The following CARD10 variants were observed in gnomAD, a reference collection of about 807,000 sequenced individuals.
The protein encoded by CARD10 is caspase recruitment domain-containing protein 10.
A neutral mutation model predicts 114.6 loss-of-function variants in CARD10; 49 were observed. The ratio of observed to expected loss-of-function variants is 0.43; its 90% CI spans 0.34 to 0.54. CARD10 has a LOEUF of 0.54. CARD10 is among the 20% of genes least tolerant of loss of function. CARD10 has a pLI of 0.03. For missense variants in CARD10, 1,206 were observed against 1,397.2 expected, an observed-to-expected ratio of 0.86 and a Z score of 2.18; for synonymous variants, 602 against 593.2, an observed-to-expected ratio of 1.01 and a Z score of -0.21.
At chr22:37,499,996 G>C (rs1923154500) in intron 11 of CARD10, among the ~76,000 whole-genome samples, 1 of 152,220 alleles carries the variant, frequency 6.6e-6, no homozygotes, top group South Asian at 2.1e-4. Context: ...AACGGGGCAA[G>C]TCTGCCAGCT....
intron 15 of CARD10, among the ~76,000 whole-genome samples, chr22:37,494,969 G>GT (rs11330766): frequency 4.3e-3 from 638 of 146,822 alleles, no homozygotes; most frequent in African/African-American, 0.013. Flanking sequence ...TGTTTTTTTT[G>GT]TTTTTTTTTT....
At chr22:37,512,809 G>A (rs1349695496) in intron 3 of CARD10, among the ~76,000 whole-genome samples, 2 of 152,164 alleles carry the variant, frequency 1.3e-5, no homozygotes, top group Non-Finnish European at 2.9e-5. Context: ...CAGGAAATAC[G>A]GATGCATTTA....
intron 10 of CARD10, among the ~76,000 whole-genome samples, 180 bp downstream of exon 10, chr22:37,503,005 G>A (rs1923272924): frequency 6.6e-6 from 1 of 152,256 alleles, no homozygotes; most frequent in Non-Finnish European, 1.5e-5. Flanking sequence ...GTGAGAGGCT[G>A]GAACCAAAGT....
Position 37,492,582 on chromosome 22 carries a change from G to T in CARD10, c.2636-32C>A, listed in dbSNP as rs377144358. The T allele has an allele frequency of 6.0e-4, 956 of 1,604,134 alleles. 7 individuals are homozygous for T. The African/African-American group carries it at 0.011, about 19-fold the overall frequency. ...AGGGAGTGGAGAGGGAGAGATGAAGGATCCATGGGCCCGGCTGCCCAGAGG... is the reference window on the plus strand; with the variant it reads ...AGGGAGTGGAGAGGGAGAGATGAAGTATCCATGGGCCCGGCTGCCCAGAGG... On this transcript the variant is annotated intron_variant, in intron 17 of 19. Transcript: ENST00000251973. The surrounding 1 kb of genome is among the most constrained non-coding windows in gnomAD (Gnocchi z 5.7).
At chr22:37,500,356 A>T in intron 11 of CARD10, among the ~76,000 whole-genome samples, 1 of 152,032 alleles carries the variant, frequency 6.6e-6, no homozygotes, top group East Asian at 1.9e-4. Flanking sequence ...TATGCTGGGG[A>T]GACGGCACCC....
intron 5 of CARD10, 31 bp from the exon 6 acceptor site, chr22:37,507,985 C>T (rs1923473140): frequency 6.2e-7 from 1 of 1,612,762 alleles, no homozygotes; most frequent in Admixed American, 1.7e-5. Context: ...GGTCAGACCA[C>T]AGGGCTGGGG....
chr22:37,493,879 G>A (rs766898970), intron 16 of CARD10, among the ~76,000 whole-genome samples: 31 of 152,284 alleles, frequency 2.0e-4, no homozygotes, highest in Non-Finnish European at 3.5e-4. Context: ...GCACCTCCCC[G>A]CAGGGTCTCC....
chr22:37,515,974 G>A lies in CARD10; in HGVS notation c.698C>T (p.Ala233Val), dbSNP rs377447143. 1.6e-5 allele frequency: 25 copies of A among 1,570,990 alleles called. No homozygotes were observed. The highest frequency in any genetic ancestry group is 2.1e-5 in the Non-Finnish European group (24 of 1,155,162). ...CCGACCCATCTCCCCAGGGCCTACCGCCAGCTGCAGGTCACGGCTGCGAAG... is the reference window on the plus strand; with the variant it reads ...CCGACCCATCTCCCCAGGGCCTACCACCAGCTGCAGGTCACGGCTGCGAAG... ...AVLRSRDLQL[A>V]VDQLKLKVSR... The change falls in exon 3 of 20, where the codon GCG (alanine) becomes GTG (valine). Residue 233 changes from alanine (A) to valine (V), a missense_variant and splice_region_variant. Around this residue, in one of 2 missense-constraint regions of CARD10, gnomAD observed 1,068 missense variants for 1,179.1 expected, o/e 0.91. Coordinates refer to ENST00000251973, the MANE Select transcript of CARD10 (RefSeq NM_014550.4).
rs779419835 is a variant in CARD10, at chr22:37,496,994, C to T, written c.1947+25G>A. On this transcript the variant is annotated intron_variant, in intron 12 of 19. Coordinates refer to ENST00000251973, the MANE Select transcript of CARD10 (RefSeq NM_014550.4). The surrounding 1 kb of genome is among the most constrained non-coding windows in gnomAD (Gnocchi z 4.1). ...TGGGCAAAAGCACTGACCCTACCCC[C>T]CCAGCTCAGGAGGCAGGGCCTCACC... 1.9e-6 allele frequency: 3 copies of T among 1,581,904 alleles called. No homozygotes were observed. Among genetic ancestry groups the T allele is most frequent in the Non-Finnish European group, 2.6e-6 (3 of 1,165,614 alleles).
intron 3 of CARD10, chr22:37,511,970 C>T (rs979966064): frequency 2.6e-5 from 4 of 152,282 alleles, no homozygotes; most frequent in Non-Finnish European, 5.9e-5. Flanking sequence ...CAGTCAATCC[C>T]CTGGCCCCAT....
At chr22:37,503,033 G>A in intron 10 of CARD10, 152 bp downstream of exon 10, 1 of 888,364 alleles carries the variant, frequency 1.1e-6, no homozygotes, top group South Asian at 1.5e-5. Flanking sequence ...GTCCTCCCAA[G>A]CACAACCTTC....
rs563182251 is a variant in CARD10 at position 37,513,095 on chromosome 22, T to C, written c.700-2674A>G. 2.6e-5 allele frequency among the ~76,000 whole-genome samples: 4 copies of C among 152,024 alleles called. No individual in the cohort carries two copies. The East Asian group carries it at 7.7e-4, about 29-fold the overall frequency. Reference sequence around the variant, plus strand: ...TTAAGGTAAATTTATAGTAGCTAAGTTTAATTTCACTTCTTTTTTTGTTGT... The same window carrying C: ...TTAAGGTAAATTTATAGTAGCTAAGCTTAATTTCACTTCTTTTTTTGTTGT... On this transcript the variant is annotated intron_variant, in intron 3 of 19. Transcript: ENST00000251973.
At position 37,492,376 on chromosome 22, in the gene CARD10, C is replaced by T. The variant is rs1922834600; in HGVS notation, c.2751+59G>A. ...CAGACGCTGGCGCTCAAGCCCAGAACAGCAGCACCCGCTCTGGGCCACCTC... is the reference window on the plus strand; with the variant it reads ...CAGACGCTGGCGCTCAAGCCCAGAATAGCAGCACCCGCTCTGGGCCACCTC... On this transcript the variant is annotated intron_variant, in intron 18 of 19. Coordinates refer to ENST00000251973, the MANE Select transcript of CARD10 (RefSeq NM_014550.4). This position sits in a 1 kb window ranked among gnomAD's most constrained non-coding sequence, Gnocchi z 5.7. 7.7e-7 allele frequency: 1 copy of T among 1,297,510 alleles called. No individual in the cohort carries two copies. Among genetic ancestry groups the T allele is most frequent in the African/African-American group, 1.5e-5 (1 of 67,754 alleles). 80.4% of individuals were successfully genotyped at this position (1,297,510 alleles called of 1,614,324 possible).
rs1923690678 is a variant in CARD10 at position 37,512,465 on chromosome 22, C to CACACACA, written c.700-2045_700-2044insTGTGTGT. Among the ~76,000 whole-genome samples, 14 of 113,856 alleles carry CACACACA rather than the reference C, an allele frequency of 1.2e-4. 1 individual carries two copies. Among genetic ancestry groups the CACACACA allele is most frequent in the South Asian group, 3.3e-4 (1 of 3,020 alleles). 74.7% of individuals were successfully genotyped at this position (113,856 alleles called of 152,430 possible). A position where few individuals can be genotyped will look rare whatever the true frequency, so the allele number is the denominator to read the frequency against. On this transcript the variant is annotated intron_variant, in intron 3 of 19. Coordinates refer to ENST00000251973, the MANE Select transcript of CARD10 (RefSeq NM_014550.4). ...AGAGGTTAGAATGGCAGCCCCCCCT[C>CACACACA]CACACACACACACACACACACACAC...
intron 6 of CARD10, among the ~76,000 whole-genome samples, 199 bp downstream of exon 6, chr22:37,507,630 G>A (rs939512075): frequency 2.0e-5 from 3 of 152,234 alleles, no homozygotes; most frequent in Non-Finnish European, 4.4e-5. Context: ...TGAGGCCAGT[G>A]GGTCCAGGGT....
In CARD10 at chr22:37,490,556, T is replaced by G. The variant is rs1166698659; in HGVS notation, c.*603A>C. 1 of 152,242 alleles carries G rather than the reference T, an allele frequency of 6.6e-6. No homozygotes were observed. The highest frequency in any genetic ancestry group is 1.5e-5 in the Non-Finnish European group (1 of 68,126). The allele number at this position is 152,242 out of a possible 1,614,324, so 9.4% of individuals were successfully genotyped here. The stretch of plus-strand genomic sequence containing the variant: ...CCCGCCAGGAACGCACACGTGTTAG[T>G]GCCCACATGAAACAGGGGTGGGGCG... On this transcript the variant is annotated 3_prime_UTR_variant, in exon 20 of 20. Coordinates refer to ENST00000251973, the MANE Select transcript of CARD10 (RefSeq NM_014550.4).
intron 3 of CARD10, among the ~76,000 whole-genome samples, chr22:37,512,991 G>C (rs942541076): frequency 1.3e-5 from 2 of 152,202 alleles, no homozygotes; most frequent in African/African-American, 2.4e-5. Context: ...AGCCAGGCAC[G>C]ATCAGGTGCT....
At chr22:37,497,355 C>A (rs11704300) in intron 11 of CARD10, 177 bp from the exon 12 acceptor site, 1 of 650,874 alleles carries the variant, frequency 1.5e-6, no homozygotes, top group Non-Finnish European at 2.6e-6. Flanking sequence ...TGCTGATCAT[C>A]CTTCAAATCT....
At chr22:37,503,122 TG>T in intron 10 of CARD10, 62 bp downstream of exon 10, 1 of 1,542,346 alleles carries the variant, frequency 6.5e-7, no homozygotes, top group Non-Finnish European at 8.9e-7. Context: ...AGGCTTCAGG[TG>T]GGCTGCAAAG....
Sources: allele counts gnomAD v4.1 joint callset (sites outside exome capture counted in the v4.1 genomes callset), GRCh38; gene constraint gnomAD v4.1.1; regional missense constraint gnomAD v4.1.1; non-coding constraint Gnocchi (gnomAD v3.1); transcripts MANE v1.5; gene names NCBI Gene and HGNC (gene_info 2026-07-23, HGNC 2026-07-21).